Variants in ZRANB1 observed in about 807,000 individuals in gnomAD.
ZRANB1 encodes ubiquitin thioesterase ZRANB1.
ZRANB1 carries 16 observed loss-of-function variants against 80.5 expected under a neutral mutation model. That is an observed-to-expected ratio of 0.20 (90% CI 0.13 to 0.30). The LOEUF (loss-of-function observed/expected upper bound fraction) is 0.30. ZRANB1 is among the 10% of genes least tolerant of loss of function. ZRANB1 has a pLI of 1.00. For missense variants in ZRANB1, 576 were observed against 862.6 expected (o/e 0.67, Z 4.16); for synonymous variants, 291 against 293.1 (o/e 0.99, Z 0.07).
chr10:124,978,803 TTTTTTTTTTTTTG>T (rs1951905118), intron 5 of ZRANB1, among the ~76,000 whole-genome samples: 1 of 149,918 alleles, frequency 6.7e-6, no homozygotes. Flanking sequence ...ATTTTTTTTT[TTTTTTTTTTTTTG>T]TATTTTTTTG....
At chr10:124,977,030 C>T (rs1347447028) in intron 5 of ZRANB1, among the ~76,000 whole-genome samples, 3 of 152,016 alleles carry the variant, frequency 2.0e-5, no homozygotes, top group Non-Finnish European at 2.9e-5. Flanking sequence ...TGCAGGGGCA[C>T]GATCTTGGCT....
rs1589850038 is a variant in ZRANB1 at position 124,966,557 on chromosome 10, A to G, written c.815-37A>G. 5.7e-6 allele frequency: 9 copies of G among 1,587,922 alleles called. No individual in the cohort carries two copies. In the East Asian group the frequency reaches 1.8e-4, roughly 32 times the overall value. On this transcript the variant is annotated intron_variant, in intron 1 of 8. Transcript: ENST00000359653. ...CGGTTTGTGTTTTTTGAAGAAAATGAGAATTAAATGCTTTTCTATCTTGAT... is the reference window on the plus strand; with the variant it reads ...CGGTTTGTGTTTTTTGAAGAAAATGGGAATTAAATGCTTTTCTATCTTGAT...
intron 2 of ZRANB1, among the ~76,000 whole-genome samples, chr10:124,967,673 A>G (rs759265159): frequency 6.6e-6 from 1 of 152,094 alleles, no homozygotes; most frequent in Non-Finnish European, 1.5e-5. Context: ...TAGCCATAGA[A>G]GGGTACCCAG....
chr10:124,918,002 C>T, the ZRANB1 span, among the ~76,000 whole-genome samples: 2 of 152,174 alleles, frequency 1.3e-5, no homozygotes, highest in South Asian at 2.1e-4. Flanking sequence ...CTTTGAGATA[C>T]ACTGGTGTTT....
In ZRANB1 at chr10:124,986,931, T is replaced by C. The variant is rs891286862; in HGVS notation, c.*1939T>C. The C allele has an allele frequency of 6.6e-5, 10 of 152,554 alleles. 1 individual carries two copies. Among genetic ancestry groups the C allele is most frequent in the Non-Finnish European group, 1.5e-4 (10 of 68,040 alleles). 9.5% of individuals were successfully genotyped at this position (152,554 alleles called of 1,614,324 possible). A position where few individuals can be genotyped will look rare whatever the true frequency, so the allele number is the denominator to read the frequency against. ...AGCACTTAGCTTCTACTGTGTGTTGTGGTCTGGTGAGTGTTGTTTCCCCTG... is the reference window on the plus strand; with the variant it reads ...AGCACTTAGCTTCTACTGTGTGTTGCGGTCTGGTGAGTGTTGTTTCCCCTG... On this transcript the variant is annotated 3_prime_UTR_variant, in exon 9 of 9. Coordinates refer to ENST00000359653, the MANE Select transcript of ZRANB1 (RefSeq NM_017580.3).
At chr10:124,979,428 G>A (rs1951912704) in intron 5 of ZRANB1, among the ~76,000 whole-genome samples, 1 of 152,116 alleles carries the variant, frequency 6.6e-6, no homozygotes, top group Non-Finnish European at 1.5e-5. Flanking sequence ...TCCCTTATTG[G>A]ATATCTGCTT....
At chr10:124,953,471 G>A (rs201796899) in intron 1 of ZRANB1, among the ~76,000 whole-genome samples, 2 of 152,160 alleles carry the variant, frequency 1.3e-5, no homozygotes, top group East Asian at 3.8e-4. Flanking sequence ...AATGTTTTCA[G>A]CCCTGCCTTT....
At chr10:124,968,244 A>C (rs554229316) in intron 2 of ZRANB1, among the ~76,000 whole-genome samples, 1 of 152,324 alleles carries the variant, frequency 6.6e-6, no homozygotes, top group East Asian at 1.9e-4. Context: ...AAGTGCAGAG[A>C]GTCATATTAA....
At chr10:124,960,947 A>C (rs17152411) in intron 1 of ZRANB1, among the ~76,000 whole-genome samples, 3 of 151,922 alleles carry the variant, frequency 2.0e-5, no homozygotes, top group East Asian at 3.9e-4. Flanking sequence ...TTTGGCATAC[A>C]CTATTTTATG....
At position 124,986,319 on chromosome 10, in the gene ZRANB1, ACACAG is replaced by A. The variant is rs1952042277; in HGVS notation, c.*1328_*1332del. 2.3e-4 allele frequency: 35 copies of A among 152,296 alleles called. No individual in the cohort carries two copies. The highest frequency in any genetic ancestry group is 1.5e-5 in the Non-Finnish European group (1 of 67,984). The allele number at this position is 152,296 out of a possible 1,614,324, so 9.4% of individuals were successfully genotyped here. A position where few individuals can be genotyped will look rare whatever the true frequency, so the allele number is the denominator to read the frequency against. Reference sequence around the variant, plus strand: ...CACACACACACACACACACACACACACACAGTTTTTTCCTTCCCTGTGATGAAAAA... The same window carrying A: ...CACACACACACACACACACACACACATTTTTTCCTTCCCTGTGATGAAAAA... On this transcript the variant is annotated 3_prime_UTR_variant, in exon 9 of 9. Coordinates refer to ENST00000359653, the MANE Select transcript of ZRANB1 (RefSeq NM_017580.3).
chr10:124,941,743 G>A (rs552955545), upstream of ZRANB1, among the ~76,000 whole-genome samples: 90 of 152,166 alleles, frequency 5.9e-4, 1 homozygote, highest in Non-Finnish European at 9.3e-4. Context: ...TATGCTACTG[G>A]TTATTTCAGT....
the ZRANB1 span, among the ~76,000 whole-genome samples, chr10:124,929,089 CAAAT>C: frequency 5.3e-5 from 8 of 152,248 alleles, no homozygotes; most frequent in Non-Finnish European, 1.2e-4. Context: ...ATCCAAGTGA[CAAAT>C]AATGGTGGCT....
At chr10:124,982,443 C>T (rs1012479903) in intron 6 of ZRANB1, among the ~76,000 whole-genome samples, 5 of 152,174 alleles carry the variant, frequency 3.3e-5, no homozygotes, top group African/African-American at 7.2e-5. Flanking sequence ...TGCAAGTTTG[C>T]TAACGTCTTT....
chr10:124,934,801 G>A, the ZRANB1 span, among the ~76,000 whole-genome samples: 1 of 152,118 alleles, frequency 6.6e-6, no homozygotes, highest in South Asian at 2.1e-4. Flanking sequence ...TAAAGCCCAG[G>A]GATTGTCTAA....
At position 124,986,552 on chromosome 10, in the gene ZRANB1, C is replaced by A. The variant is rs1478838424; in HGVS notation, c.*1560C>A. The A allele has an allele frequency of 6.6e-6, 1 of 152,096 alleles. No homozygotes were observed. Among genetic ancestry groups the A allele is most frequent in the Non-Finnish European group, 1.5e-5 (1 of 68,012 alleles). The allele number at this position is 152,096 out of a possible 1,614,324, so 9.4% of individuals were successfully genotyped here. On this transcript the variant is annotated 3_prime_UTR_variant, in exon 9 of 9. Coordinates refer to ENST00000359653, the MANE Select transcript of ZRANB1 (RefSeq NM_017580.3). ...GATCATTTTTTGCTGCATGCTAAAT[C>A]TTGCAGGAAAAATGATTTTTTAGTA...
chr10:124,949,523 A>ACACAT (rs531718406), intron 1 of ZRANB1, among the ~76,000 whole-genome samples: 30 of 116,854 alleles, frequency 2.6e-4, no homozygotes, highest in South Asian at 5.4e-4. Context: ...ACACACACAC[A>ACACAT]TTTTTTTTTT....
chr10:124,954,026 C>T (rs1256710921), intron 1 of ZRANB1, among the ~76,000 whole-genome samples: 1 of 148,228 alleles, frequency 6.7e-6, no homozygotes. Flanking sequence ...AGTGCAGTGG[C>T]GTTGATCACA....
In ZRANB1 at chr10:124,955,836, C is replaced by T. The variant is rs184845909; in HGVS notation, c.815-10758C>T. ...TGTAGGGAACACACATGCCTGTGTG[C>T]ACACTCACACTTTTCACCTCTTCCC... is the stretch of plus-strand genomic sequence containing the variant. On this transcript the variant is annotated intron_variant, in intron 1 of 8. Transcript: ENST00000359653. Among the ~76,000 whole-genome samples the T allele has an allele frequency of 2.9e-4, 44 of 152,256 alleles. 1 individual carries two copies. Among genetic ancestry groups the T allele is most frequent in the Middle Eastern group, 6.8e-3 (2 of 294 alleles).
the ZRANB1 span, among the ~76,000 whole-genome samples, chr10:124,932,241 TG>T: frequency 1.5e-4 from 23 of 152,144 alleles, no homozygotes; most frequent in Non-Finnish European, 2.2e-4. Context: ...TCCAACTTTT[TG>T]CAATTAGAAA....
Sources: gnomAD v4.1 joint callset for allele counts (sites outside exome capture counted in the v4.1 genomes callset) on GRCh38, gnomAD v4.1.1 for gene constraint, MANE v1.5 for transcripts, NCBI Gene and HGNC (gene_info 2026-07-23, HGNC 2026-07-21) for gene names.